CELSR1: variants seen among roughly 807,000 people sequenced by gnomAD.
CELSR1 encodes the protein cadherin EGF LAG seven-pass G-type receptor 1.
Under a neutral mutation model 249.1 loss-of-function variants are expected in CELSR1, and 110 were observed. The ratio of observed to expected loss-of-function variants is 0.44; its 90% CI spans 0.38 to 0.52. CELSR1 has a LOEUF of 0.52. Among genes scored for constraint, CELSR1 ranks in the 20% least tolerant of loss-of-function variants. The pLI is 0.00. For synonymous variants in CELSR1, 2,113 were observed against 1,900.0 expected, an observed-to-expected ratio of 1.11 and a Z score of -2.92; for missense variants, 4,109 against 4,296.4, an observed-to-expected ratio of 0.96 and a Z score of 1.22.
At chr22:46,397,115 T>TATTTATTA (rs1230929204) in intron 12 of CELSR1, among the ~76,000 whole-genome samples, 2 of 151,974 alleles carry the variant, frequency 1.3e-5, no homozygotes, top group African/African-American at 2.4e-5. Flanking sequence ...TTTATTTATT[T>TATTTATTA]ATTTATTGAG....
chr22:46,426,559 C>G (rs1172936880), intron 5 of CELSR1, among the ~76,000 whole-genome samples: 1 of 152,144 alleles, frequency 6.6e-6, no homozygotes, highest in Non-Finnish European at 1.5e-5. Flanking sequence ...GATCACCTCC[C>G]AAAGGCTGCA....
chr22:46,480,079 C>T (rs1456313871), intron 1 of CELSR1, among the ~76,000 whole-genome samples: 4 of 152,236 alleles, frequency 2.6e-5, no homozygotes, highest in African/African-American at 9.6e-5. Context: ...AAATGCTCCT[C>T]TTCTACTGTT....
At chr22:46,496,581 A>T (rs188687915) in intron 1 of CELSR1, among the ~76,000 whole-genome samples, 160 of 151,530 alleles carry the variant, frequency 1.1e-3, no homozygotes, top group African/African-American at 3.7e-3. Flanking sequence ...AAATATATAT[A>T]TTTTTTCTTT....
intron 5 of CELSR1, among the ~76,000 whole-genome samples, chr22:46,422,262 C>G (rs560107249): frequency 6.6e-6 from 1 of 151,922 alleles, no homozygotes; most frequent in Non-Finnish European, 1.5e-5. Flanking sequence ...CCTGCCACCA[C>G]GCCCGGCTAA....
chr22:46,468,947 G>C lies in CELSR1; in HGVS notation c.3545-4602C>G, dbSNP rs1049990136. Among the ~76,000 whole-genome samples, 1 of 152,022 alleles carries C rather than the reference G, an allele frequency of 6.6e-6. No homozygotes were observed. The highest frequency in any genetic ancestry group is 1.5e-5 in the Non-Finnish European group (1 of 68,018). ...AAAAGCTAGTTGGGCGTGGTGGCACGTGCCTGTAGTCTCAGCTACTCGGAA... is the reference window on the plus strand; with the variant it reads ...AAAAGCTAGTTGGGCGTGGTGGCACCTGCCTGTAGTCTCAGCTACTCGGAA... On this transcript the variant is annotated intron_variant, in intron 1 of 34. Transcript: ENST00000674500. The surrounding 1 kb of genome is among the most constrained non-coding windows in gnomAD (Gnocchi z 4.5).
chr22:46,516,335 T>C (rs1441352009), intron 1 of CELSR1, among the ~76,000 whole-genome samples: 1 of 152,078 alleles, frequency 6.6e-6, no homozygotes, highest in Non-Finnish European at 1.5e-5. Context: ...GAAACCATCA[T>C]TCTCAGCAAA....
chr22:46,457,340 T>A (rs1426970559), intron 2 of CELSR1, among the ~76,000 whole-genome samples: 1 of 151,420 alleles, frequency 6.6e-6, no homozygotes, highest in Non-Finnish European at 1.5e-5. Flanking sequence ...GCAAGACTCA[T>A]CTCGGGGGCG....
At chr22:46,373,362 G>A (rs1334674968) in intron 24 of CELSR1, among the ~76,000 whole-genome samples, 1 of 151,780 alleles carries the variant, frequency 6.6e-6, no homozygotes, top group East Asian at 1.9e-4. Context: ...CACATGCCCC[G>A]GAACTGCACT....
Position 46,488,881 on chromosome 22 carries a change from G to C in CELSR1, c.3545-24536C>G, listed in dbSNP as rs1157054467. Among the ~76,000 whole-genome samples the C allele has an allele frequency of 1.3e-5, 2 of 151,934 alleles. No homozygotes were observed. Among genetic ancestry groups the C allele is most frequent in the South Asian group, 2.1e-4 (1 of 4,812 alleles). ...TCACCGTGTTAGCCAGGATGGTCTCGATCTCCTGACCTCATGATCCGCCTG... is the reference window on the plus strand; with the variant it reads ...TCACCGTGTTAGCCAGGATGGTCTCCATCTCCTGACCTCATGATCCGCCTG... On this transcript the variant is annotated intron_variant, in intron 1 of 34. Transcript: ENST00000674500. This position sits in a 1 kb window ranked among gnomAD's most constrained non-coding sequence, Gnocchi z 4.7.
In CELSR1 at chr22:46,513,360, C is replaced by T. The variant is rs141885180; in HGVS notation, c.3544+20267G>A. On this transcript the variant is annotated intron_variant, in intron 1 of 34. Transcript: ENST00000674500. ...AATACAAGTTCAAAAGCATTCCCCA[C>T]GTGGGGTCCTGAGTTTTACAGGACA... Among the ~76,000 whole-genome samples, 243 of 152,232 alleles carry T rather than the reference C, an allele frequency of 1.6e-3. 1 individual carries two copies. Among genetic ancestry groups the T allele is most frequent in the African/African-American group, 5.4e-3 (226 of 41,512 alleles).
Position 46,534,317 on chromosome 22 carries a change from T to A in CELSR1, c.2854A>T (p.Thr952Ser). The change falls in exon 1 of 35, where the codon ACC becomes TCC. Residue 952 changes from threonine to serine, a missense_variant. This residue lies in a region of CELSR1 where 886 missense variants were observed against 896.5 expected (regional missense o/e 0.99). Coordinates refer to ENST00000674500, the MANE Select transcript of CELSR1 (RefSeq NM_001378328.1). This position sits in a 1 kb window ranked among gnomAD's most constrained non-coding sequence, Gnocchi z 9.7. ...TTCTCCCGGTCCAGCCGGCGCTGGGTGCGAATCACACCGGACGTGGGCTCG... is the reference window on the plus strand; with the variant it reads ...TTCTCCCGGTCCAGCCGGCGCTGGGAGCGAATCACACCGGACGTGGGCTCG... Reference protein sequence around the residue: ...YIEPTSGVIRTQRRLDRENVA... With the variant: ...YIEPTSGVIRSQRRLDRENVA... 6.2e-7 allele frequency: 1 copy of A among 1,613,048 alleles called. No homozygotes were observed. The highest frequency in any genetic ancestry group is 8.5e-7 in the Non-Finnish European group (1 of 1,180,018).
chr22:46,466,952 C>G (rs959557106), intron 1 of CELSR1, among the ~76,000 whole-genome samples: 2 of 152,224 alleles, frequency 1.3e-5, no homozygotes, highest in African/African-American at 4.8e-5. Context: ...CAAGAAGGCA[C>G]TGTCTACCAG....
Position 46,488,721 on chromosome 22 carries a change from G to A in CELSR1, c.3545-24376C>T, listed in dbSNP as rs183284612. 7.4e-3 allele frequency among the ~76,000 whole-genome samples: 1,111 copies of A among 150,930 alleles called. 4 individuals are homozygous for A. Among genetic ancestry groups the A allele is most frequent in the Middle Eastern group, 0.027 (8 of 294 alleles). On this transcript the variant is annotated intron_variant, in intron 1 of 34. Coordinates refer to ENST00000674500, the MANE Select transcript of CELSR1 (RefSeq NM_001378328.1). This position sits in a 1 kb window ranked among gnomAD's most constrained non-coding sequence, Gnocchi z 4.7. ...GTCACCCAGGCTGGAGTTCAGTGGC[G>A]TGATCTCGGCTCACTGCAAGCTCCA...
chr22:46,435,543 A>C (rs1207326555), intron 4 of CELSR1, among the ~76,000 whole-genome samples: 1 of 151,928 alleles, frequency 6.6e-6, no homozygotes, highest in East Asian at 1.9e-4. Context: ...CGGCCTCCCA[A>C]AGTGCTGGGG....
At chr22:46,422,557 A>T (rs1435834792) in intron 5 of CELSR1, among the ~76,000 whole-genome samples, 1 of 150,578 alleles carries the variant, frequency 6.6e-6, no homozygotes, top group Non-Finnish European at 1.5e-5. Flanking sequence ...ACACGGTGAA[A>T]CCCCGTCTCT....
chr22:46,422,595 AT>A (rs1297598090), intron 5 of CELSR1, among the ~76,000 whole-genome samples: 3 of 149,342 alleles, frequency 2.0e-5, no homozygotes, highest in Admixed American at 6.6e-5. Flanking sequence ...ATAATAAAAA[AT>A]AAATAAATAA....
At chr22:46,384,994 G>A (rs963631366) in intron 19 of CELSR1, among the ~76,000 whole-genome samples, 3 of 152,070 alleles carry the variant, frequency 2.0e-5, no homozygotes, top group Non-Finnish European at 4.4e-5. Context: ...ATTTCATCAT[G>A]TCGGCCAGGC....
At chr22:46,386,177 C>T (rs2079031678) in intron 19 of CELSR1, among the ~76,000 whole-genome samples, 1 of 152,124 alleles carries the variant, frequency 6.6e-6, no homozygotes, top group Non-Finnish European at 1.5e-5. Context: ...ACCATTTTGC[C>T]CAGGCTGGTC....
In CELSR1 at chr22:46,417,952, C is replaced by A. The variant is rs1230307590; in HGVS notation, c.4612-6193G>T. Among the ~76,000 whole-genome samples, 1 of 152,236 alleles carries A rather than the reference C, an allele frequency of 6.6e-6. No homozygotes were observed. The highest frequency in any genetic ancestry group is 2.4e-5 in the African/African-American group (1 of 41,462). ...ACATCACCTCCTTAAAGCCAAGGGT[C>A]CATATCCTGCCCCTACTTGGGAAAG... On this transcript the variant is annotated intron_variant, in intron 5 of 34. Transcript: ENST00000674500. This position sits in a 1 kb window ranked among gnomAD's most constrained non-coding sequence, Gnocchi z 4.1.
Sources: allele counts gnomAD v4.1 joint callset (sites outside exome capture counted in the v4.1 genomes callset), GRCh38; gene constraint gnomAD v4.1.1; regional missense constraint gnomAD v4.1.1; non-coding constraint Gnocchi (gnomAD v3.1); transcripts MANE v1.5; gene names NCBI Gene and HGNC (gene_info 2026-07-23, HGNC 2026-07-21).